AGAP1: variants seen among roughly 807,000 people sequenced by gnomAD.
AGAP1 encodes the protein arf-GAP with GTPase, ANK repeat and PH domain-containing protein 1.
A neutral mutation model predicts 105.3 loss-of-function variants in AGAP1; 29 were observed. The observed-to-expected ratio is 0.28, with a 90% confidence interval of 0.21 to 0.38. The LOEUF is 0.38. AGAP1 is among the 10% of genes least tolerant of loss of function. AGAP1 has a pLI of 1.00. For synonymous variants in AGAP1, 509 were observed against 485.9 expected (o/e 1.05, Z -0.63); for missense variants, 998 against 1,165.1 (o/e 0.86, Z 2.09).
At position 236,046,539 on chromosome 2, in the gene AGAP1, G is replaced by A. The variant is rs781391396; in HGVS notation, c.1892-2520G>A. On this transcript the variant is annotated intron_variant, in intron 15 of 17. Transcript: ENST00000304032. The surrounding 1 kb of genome is among the most constrained non-coding windows in gnomAD (Gnocchi z 5.2). ...CCTGGGGTCCCAGCTTGAATAGCTG[G>A]GACAGGAGGGACCTGGCAGAAGAAT... is the stretch of plus-strand genomic sequence containing the variant. 3.3e-5 allele frequency among the ~76,000 whole-genome samples: 5 copies of A among 152,176 alleles called. No individual in the cohort carries two copies. The highest frequency in any genetic ancestry group is 7.3e-5 in the Non-Finnish European group (5 of 68,032).
At position 235,655,879 on chromosome 2, in the gene AGAP1, G is replaced by A. The variant is rs1947754547; in HGVS notation, c.164-53300G>A. ...GGATGCTGGGGAAGAATCTTTGTTG[G>A]AATATGACCCTGGGTTTTGTATGGA... On this transcript the variant is annotated intron_variant, in intron 1 of 17. Transcript: ENST00000304032. This position sits in a 1 kb window ranked among gnomAD's most constrained non-coding sequence, Gnocchi z 4.3. 6.6e-6 allele frequency among the ~76,000 whole-genome samples: 1 copy of A among 152,182 alleles called. No homozygotes were observed. The highest frequency in any genetic ancestry group is 2.1e-4 in the South Asian group (1 of 4,826).
intron 1 of AGAP1, among the ~76,000 whole-genome samples, chr2:235,540,261 G>A (rs1475937644): frequency 2.7e-5 from 4 of 149,060 alleles, no homozygotes; most frequent in African/African-American, 5.0e-5. Context: ...GGCAATTCTC[G>A]TGCCTCAGCT....
In AGAP1 at chr2:236,120,539, T is replaced by C; in HGVS notation, c.2370+92T>C. ...CGTGGGCATCTTTCTGGCAGAAGGC[T>C]GTTGTTCTCGATCTGCAAGTGGAAA... On this transcript the variant is annotated intron_variant, in intron 17 of 17. Transcript: ENST00000304032. The surrounding 1 kb of genome is among the most constrained non-coding windows in gnomAD (Gnocchi z 6.0). The C allele has an allele frequency of 6.4e-7, 1 of 1,565,148 alleles. No individual in the cohort carries two copies. Among genetic ancestry groups the C allele is most frequent in the Non-Finnish European group, 8.6e-7 (1 of 1,158,694 alleles).
intron 9 of AGAP1, among the ~76,000 whole-genome samples, chr2:235,809,244 A>C (rs775471758): frequency 3.9e-5 from 6 of 152,106 alleles, no homozygotes; most frequent in Non-Finnish European, 7.3e-5. Flanking sequence ...CTAGCTTTTC[A>C]ATATGTGTGC....
intron 6 of AGAP1, among the ~76,000 whole-genome samples, chr2:235,782,660 A>G (rs2149943846): frequency 6.6e-6 from 1 of 152,214 alleles, no homozygotes; most frequent in East Asian, 1.9e-4. Flanking sequence ...TGCTAGTAAT[A>G]GATAAAAGGT....
At chr2:235,500,094 TTACTG>T (rs1375461010) in intron 1 of AGAP1, among the ~76,000 whole-genome samples, 2 of 152,248 alleles carry the variant, frequency 1.3e-5, no homozygotes, top group South Asian at 2.1e-4. Context: ...GAAATTTTCT[TTACTG>T]TAGGTAGGGG....
chr2:235,670,342 A>G, intron 1 of AGAP1: 1 of 494,576 alleles, frequency 2.0e-6, no homozygotes, highest in Non-Finnish European at 3.6e-6. Context: ...GCGCCGAGGA[A>G]CCGGAGGGTC....
chr2:235,498,295 G>C (rs1317718755), intron 1 of AGAP1, among the ~76,000 whole-genome samples: 2 of 152,074 alleles, frequency 1.3e-5, no homozygotes. Flanking sequence ...TGTACATTGA[G>C]AGGTTTATTC....
At position 236,036,510 on chromosome 2, in the gene AGAP1, G is replaced by C. The variant is rs2057386552; in HGVS notation, c.1646-51G>C. 5 of 1,597,662 alleles carry C rather than the reference G, an allele frequency of 3.1e-6. No homozygotes were observed. Among genetic ancestry groups the C allele is most frequent in the Non-Finnish European group, 4.3e-6 (5 of 1,171,936 alleles). On this transcript the variant is annotated intron_variant, in intron 13 of 17. Transcript: ENST00000304032. This position sits in a 1 kb window ranked among gnomAD's most constrained non-coding sequence, Gnocchi z 5.7. ...TTCTGTGACAGAGGGCCCGCAGGGG[G>C]ACTGCTGTCTCATAAAAGCTAAACT... is the stretch of plus-strand genomic sequence containing the variant.
intron 9 of AGAP1, among the ~76,000 whole-genome samples, chr2:235,853,586 G>A (rs2048565629): frequency 6.6e-6 from 1 of 152,116 alleles, no homozygotes; most frequent in African/African-American, 2.4e-5. Context: ...ACCACCCTAT[G>A]GTAATTATTT....
intron 1 of AGAP1, among the ~76,000 whole-genome samples, chr2:235,707,029 A>G (rs915100026): frequency 6.6e-6 from 1 of 152,232 alleles, no homozygotes; most frequent in African/African-American, 2.4e-5. Context: ...TCATCTGTCC[A>G]CGGGTAATGT....
chr2:235,966,722 G>A (rs1347623188), intron 12 of AGAP1, among the ~76,000 whole-genome samples: 1 of 152,060 alleles, frequency 6.6e-6, no homozygotes, highest in Non-Finnish European at 1.5e-5. Context: ...GAGCCCTGGG[G>A]TGGCCCTTCA....
intron 6 of AGAP1, among the ~76,000 whole-genome samples, chr2:235,791,391 C>T (rs73996398): frequency 0.04 from 6,038 of 152,070 alleles, 382 homozygotes; most frequent in African/African-American, 0.14. Context: ...CCCTATGGTT[C>T]GAATGGAAGA....
At chr2:235,925,209 GA>G (rs970951279) in intron 11 of AGAP1, among the ~76,000 whole-genome samples, 1 of 152,132 alleles carries the variant, frequency 6.6e-6, no homozygotes, top group African/African-American at 2.4e-5. Context: ...CCACTTGTTA[GA>G]CTCACCTCGT....
chr2:235,629,621 C>A (rs1946759019), intron 1 of AGAP1, among the ~76,000 whole-genome samples: 1 of 151,826 alleles, frequency 6.6e-6, no homozygotes, highest in Admixed American at 6.6e-5. Context: ...GTAATCCCAG[C>A]ACTTTGGAAG....
chr2:235,953,430 A>T lies in AGAP1; in HGVS notation c.1484-15032A>T, dbSNP rs2053824092. Among the ~76,000 whole-genome samples the T allele has an allele frequency of 6.6e-6, 1 of 152,150 alleles. No homozygotes were observed. Among genetic ancestry groups the T allele is most frequent in the Non-Finnish European group, 1.5e-5 (1 of 68,030 alleles). On this transcript the variant is annotated intron_variant, in intron 12 of 17. Coordinates refer to ENST00000304032, the MANE Select transcript of AGAP1 (RefSeq NM_001037131.3). This position sits in a 1 kb window ranked among gnomAD's most constrained non-coding sequence, Gnocchi z 5.2. Reference sequence around the variant, plus strand: ...CAGACTGCAAGGATATTTCATACAGATTTGTTAGCTGGTATTTAAATAATA... The same window carrying T: ...CAGACTGCAAGGATATTTCATACAGTTTTGTTAGCTGGTATTTAAATAATA...
At chr2:235,522,989 G>T (rs1942682113) in intron 1 of AGAP1, among the ~76,000 whole-genome samples, 1 of 152,170 alleles carries the variant, frequency 6.6e-6, no homozygotes, top group Non-Finnish European at 1.5e-5. Context: ...CTAAGACTGA[G>T]TGGCTTCAAC....
In AGAP1 at chr2:236,000,917, C is replaced by T. The variant is rs944940555; in HGVS notation, c.1645+32294C>T. On this transcript the variant is annotated intron_variant, in intron 13 of 17. Coordinates refer to ENST00000304032, the MANE Select transcript of AGAP1 (RefSeq NM_001037131.3). The surrounding 1 kb of genome is among the most constrained non-coding windows in gnomAD (Gnocchi z 4.3). ...AGGGCCAAGCGAGGGAGGCAGATGC[C>T]GCGTGGCGTGAGGAGGGTGAGAGTC... 2.0e-5 allele frequency among the ~76,000 whole-genome samples: 3 copies of T among 152,124 alleles called. No homozygotes were observed. Among genetic ancestry groups the T allele is most frequent in the Non-Finnish European group, 2.9e-5 (2 of 68,026 alleles).
Position 235,958,073 on chromosome 2 carries a change from A to G in AGAP1, c.1484-10389A>G, listed in dbSNP as rs1008077159. Among the ~76,000 whole-genome samples the G allele has an allele frequency of 1.3e-5, 2 of 152,040 alleles. No individual in the cohort carries two copies. The highest frequency in any genetic ancestry group is 2.9e-5 in the Non-Finnish European group (2 of 68,032). The stretch of plus-strand genomic sequence containing the variant: ...TGTCTTTCTTTTCCTTTTTTTCCAT[A>G]TAGATGCATGCTTCTTATGAACATG... On this transcript the variant is annotated intron_variant, in intron 12 of 17. Transcript: ENST00000304032. This position sits in a 1 kb window ranked among gnomAD's most constrained non-coding sequence, Gnocchi z 4.1.
Sources: gnomAD v4.1 joint callset for allele counts (sites outside exome capture counted in the v4.1 genomes callset) on GRCh38, gnomAD v4.1.1 for gene constraint, Gnocchi (gnomAD v3.1) non-coding constraint, MANE v1.5 for transcripts, NCBI Gene and HGNC (gene_info 2026-07-23, HGNC 2026-07-21) for gene names.